Variants in DOCK3 observed in about 807,000 individuals in gnomAD.
DOCK3 encodes dedicator of cytokinesis protein 3.
In DOCK3, 60 loss-of-function variants were observed where a neutral mutation model predicts 265.6. The observed-to-expected ratio is 0.23, with a 90% CI of 0.18 to 0.28. The LOEUF (loss-of-function observed/expected upper bound fraction) is 0.28. Ranked by LOEUF, DOCK3 falls within the 10% of genes least tolerant of loss-of-function variation. DOCK3 has a pLI of 1.00. For synonymous variants in DOCK3, 881 were observed against 938.0 expected (o/e 0.94, Z 1.11); for missense variants, 1,981 against 2,594.3 (o/e 0.76, Z 5.14).
At chr3:50,905,200 C>G (rs1040757137) in intron 4 of DOCK3, among the ~76,000 whole-genome samples, 1 of 152,092 alleles carries the variant, frequency 6.6e-6, no homozygotes, top group African/African-American at 2.4e-5. Context: ...TAGTGTGATG[C>G]CTCCAGCTTT....
intron 2 of DOCK3, among the ~76,000 whole-genome samples, chr3:50,832,560 T>A (rs1681729668): frequency 6.6e-6 from 1 of 152,196 alleles, no homozygotes; most frequent in Non-Finnish European, 1.5e-5. Context: ...GTGACCTGTA[T>A]CTTGTGCTGA....
chr3:50,916,983 G>C (rs1458295672), intron 4 of DOCK3, among the ~76,000 whole-genome samples: 1 of 151,898 alleles, frequency 6.6e-6, no homozygotes, highest in Non-Finnish European at 1.5e-5. Flanking sequence ...AAGTAAGAAA[G>C]ACCTATGGAA....
At chr3:50,841,616 TTG>T in intron 2 of DOCK3, 57 bp from the exon 3 acceptor site, 1 of 742,698 alleles carries the variant, frequency 1.3e-6, no homozygotes, top group Non-Finnish European at 2.1e-6. Flanking sequence ...AAAAATACTA[TTG>T]TGTCTCTTAT....
rs1368655007 is a variant in DOCK3, at chr3:51,228,117, A to AC, written c.1647+33dup. 3.7e-6 allele frequency: 6 copies of AC among 1,605,642 alleles called. No homozygotes were observed. In the African/African-American group the frequency reaches 6.7e-5, roughly 18 times the overall value. On this transcript the variant is annotated intron_variant, in intron 17 of 52. Coordinates refer to ENST00000266037, the MANE Select transcript of DOCK3 (RefSeq NM_004947.5). ...TGAAGCCTAGCTGCCTTTCATCCCC[A>AC]CCCCTTACCTGCCCTGAGGCCACTC... is the stretch of plus-strand genomic sequence containing the variant.
intron 2 of DOCK3, among the ~76,000 whole-genome samples, chr3:50,804,748 A>G (rs1453815080): frequency 2.1e-5 from 3 of 144,352 alleles, no homozygotes; most frequent in African/African-American, 7.7e-5. Context: ...GGAGAGAGAG[A>G]CCGTGGGGAG....
intron 32 of DOCK3, among the ~76,000 whole-genome samples, chr3:51,326,121 T>G (rs2084093607): frequency 6.6e-6 from 1 of 152,178 alleles, no homozygotes; most frequent in Non-Finnish European, 1.5e-5. Context: ...ATATCCCTTT[T>G]TTGGTAGCAA....
intron 32 of DOCK3, among the ~76,000 whole-genome samples, chr3:51,319,726 G>A (rs371849044): frequency 2.1e-3 from 319 of 152,032 alleles, no homozygotes; most frequent in Middle Eastern, 6.8e-3. Context: ...TTAGCTGGGC[G>A]TGGTGGTGTG....
chr3:50,889,938 G>A, intron 3 of DOCK3, 88 bp from the exon 4 acceptor site: 5 of 1,064,346 alleles, frequency 4.7e-6, no homozygotes, highest in Non-Finnish European at 6.3e-6. Flanking sequence ...CTATGTTTCT[G>A]TGCTGAAATC....
At chr3:51,061,934 C>T (rs1174159691) in intron 5 of DOCK3, among the ~76,000 whole-genome samples, 1 of 152,124 alleles carries the variant, frequency 6.6e-6, no homozygotes, top group African/African-American at 2.4e-5. Context: ...GGCCACAAAA[C>T]AAGAGTGATA....
intron 12 of DOCK3, among the ~76,000 whole-genome samples, chr3:51,183,817 T>C (rs899557665): frequency 6.6e-6 from 1 of 152,144 alleles, no homozygotes; most frequent in African/African-American, 2.4e-5. Context: ...GTTGGAGACA[T>C]TGTATAAACT....
intron 12 of DOCK3, among the ~76,000 whole-genome samples, chr3:51,190,545 A>G (rs530766204): frequency 7.2e-4 from 110 of 152,332 alleles, no homozygotes; most frequent in African/African-American, 2.6e-3. Context: ...CTGAGGTAAC[A>G]TACAAGTTTT....
At chr3:51,050,443 A>G (rs2080953484) in intron 5 of DOCK3, among the ~76,000 whole-genome samples, 1 of 152,208 alleles carries the variant, frequency 6.6e-6, no homozygotes, top group South Asian at 2.1e-4. Context: ...CATGAGATTT[A>G]TAGAATTGTA....
At chr3:50,732,159 C>T (rs1559564270) in intron 1 of DOCK3, among the ~76,000 whole-genome samples, 1 of 151,982 alleles carries the variant, frequency 6.6e-6, no homozygotes, top group Non-Finnish European at 1.5e-5. Flanking sequence ...CCAAACACCA[C>T]ATATATATTC....
At chr3:51,093,552 A>C (rs1211627971) in intron 9 of DOCK3, among the ~76,000 whole-genome samples, 1 of 152,206 alleles carries the variant, frequency 6.6e-6, no homozygotes, top group African/African-American at 2.4e-5. Context: ...ACTTTGCTGA[A>C]GTTACTTATC....
intron 3 of DOCK3, among the ~76,000 whole-genome samples, chr3:50,861,755 CTCTT>C (rs1341264300): frequency 6.8e-6 from 1 of 146,696 alleles, no homozygotes; most frequent in Admixed American, 6.8e-5. Context: ...CCCCTGCTCT[CTCTT>C]TTTTTTTTTT....
intron 4 of DOCK3, among the ~76,000 whole-genome samples, chr3:50,915,089 G>T (rs963099459): frequency 6.6e-6 from 1 of 152,056 alleles, no homozygotes; most frequent in Non-Finnish European, 1.5e-5. Context: ...AGCAATGTGG[G>T]CCCAGAGTGC....
Position 50,854,592 on chromosome 3 carries a change from G to GTTTTTT in DOCK3, c.162+12890_162+12895dup, listed in dbSNP as rs71084118. 4.0e-4 allele frequency among the ~76,000 whole-genome samples: 19 copies of GTTTTTT among 47,214 alleles called. 2 individuals are homozygous for GTTTTTT. Among genetic ancestry groups the GTTTTTT allele is most frequent in the East Asian group, 1.7e-3 (2 of 1,184 alleles). The allele number at this position is 47,214 out of a possible 152,430, so 31.0% of individuals were successfully genotyped here. On this transcript the variant is annotated intron_variant, in intron 3 of 52. Transcript: ENST00000266037. ...GCTACAGATGAGCACCATCACACCA[G>GTTTTTT]TTTTTTTTTTTTTTTTTTGGTGGTC...
chr3:50,918,066 A>G lies in DOCK3; in HGVS notation c.219-15915A>G, dbSNP rs193136812. 3.7e-4 allele frequency among the ~76,000 whole-genome samples: 57 copies of G among 152,202 alleles called. 1 individual carries two copies. The highest frequency in any genetic ancestry group is 1.6e-3 in the Admixed American group (24 of 15,286). On this transcript the variant is annotated intron_variant, in intron 4 of 52. Transcript: ENST00000266037. The stretch of plus-strand genomic sequence containing the variant: ...AGAATGATGGTTTCCAGCTTCATCC[A>G]TGTCCCTACAAAGGACATGAACTCA...
At chr3:51,100,771 A>G (rs113582638) in intron 9 of DOCK3, among the ~76,000 whole-genome samples, 1 of 152,144 alleles carries the variant, frequency 6.6e-6, no homozygotes, top group Non-Finnish European at 1.5e-5. Context: ...AGTTACTTCA[A>G]CAAAGCAATA....
Sources: allele counts gnomAD v4.1 joint callset (sites outside exome capture counted in the v4.1 genomes callset), GRCh38; gene constraint gnomAD v4.1.1; transcripts MANE v1.5; gene names NCBI Gene and HGNC (gene_info 2026-07-23, HGNC 2026-07-21).